Variants in ZFYVE28 observed in about 807,000 individuals in gnomAD.
ZFYVE28 encodes zinc finger FYVE-type containing 28, also known as lateral signaling target protein 2 homolog.
ZFYVE28 carries 40 observed loss-of-function variants against 82.1 expected under a neutral mutation model. The ratio of observed to expected loss-of-function variants is 0.49; its 90% CI spans 0.38 to 0.63. ZFYVE28 has a LOEUF of 0.63. ZFYVE28 is among the 30% of genes least tolerant of loss of function. The pLI is 0.00. For missense variants in ZFYVE28, 1,321 were observed against 1,242.1 expected (o/e 1.06, Z -0.96); for synonymous variants, 612 against 546.1 (o/e 1.12, Z -1.68).
intron 7 of ZFYVE28, among the ~76,000 whole-genome samples, chr4:2,318,342 G>A (rs1274043804): frequency 6.6e-6 from 1 of 152,186 alleles, no homozygotes; most frequent in Non-Finnish European, 1.5e-5. Context: ...CGGATCACCT[G>A]AGGTCAGGAG....
At chr4:2,333,106 C>G (rs911558186) in intron 6 of ZFYVE28, among the ~76,000 whole-genome samples, 1 of 151,972 alleles carries the variant, frequency 6.6e-6, no homozygotes, top group Non-Finnish European at 1.5e-5. Context: ...GCCAGTGCCT[C>G]CAGGAGGGGA....
At chr4:2,353,709 G>A (rs1407339905) in intron 2 of ZFYVE28, among the ~76,000 whole-genome samples, 1 of 152,040 alleles carries the variant, frequency 6.6e-6, no homozygotes, top group African/African-American at 2.4e-5. Flanking sequence ...CCCAGCCTCT[G>A]CTCCCCCAAG....
In ZFYVE28 at chr4:2,271,687, C is replaced by T. The variant is rs1284096748; in HGVS notation, c.2416G>A (p.Gly806Arg). 3 of 1,613,890 alleles carry T rather than the reference C, an allele frequency of 1.9e-6. No homozygotes were observed. The highest frequency in any genetic ancestry group is 1.7e-5 in the Admixed American group (1 of 60,030). Reference protein sequence around the residue: ...SSELAAKTRDGDFEDPPEWVP... With the variant: ...SSELAAKTRDRDFEDPPEWVP... ...GCCTCCCACACACCTTCAAAGTCCC[C>T]ATCGCGGGTCTTGGCTGCCAGTTCA... The change falls in exon 11 of 13, where the codon GGG becomes AGG. Residue 806 changes from glycine to arginine, a missense_variant. By Grantham distance (125) the Gly-to-Arg change is moderately radical. This residue lies in a region of ZFYVE28 where 978 missense variants were observed against 833.7 expected (regional missense o/e 1.17). Coordinates refer to ENST00000290974, the MANE Select transcript of ZFYVE28 (RefSeq NM_020972.3).
chr4:2,270,668 C>A lies in ZFYVE28; in HGVS notation c.*57G>T. ...GCAGTGAGACCTGCCTGCAGCGTGG[C>A]CCCACCTTCCTGGGGGTTCCTGGCC... is the stretch of plus-strand genomic sequence containing the variant. On this transcript the variant is annotated 3_prime_UTR_variant, in exon 13 of 13. Coordinates refer to ENST00000290974, the MANE Select transcript of ZFYVE28 (RefSeq NM_020972.3). 1 of 1,608,008 alleles carries A rather than the reference C, an allele frequency of 6.2e-7. No homozygotes were observed. Among genetic ancestry groups the A allele is most frequent in the Non-Finnish European group, 8.5e-7 (1 of 1,177,384 alleles).
chr4:2,329,244 C>T (rs915635104), intron 6 of ZFYVE28: 85 of 494,154 alleles, frequency 1.7e-4, no homozygotes, highest in Middle Eastern at 5.6e-4. Context: ...GTCTTCCCAT[C>T]CATGAACATG....
intron 1 of ZFYVE28, among the ~76,000 whole-genome samples, chr4:2,369,387 A>G (rs1287830742): frequency 6.6e-6 from 1 of 152,146 alleles, no homozygotes; most frequent in Admixed American, 6.5e-5. Flanking sequence ...AATTTGCCAT[A>G]AAGAGAGGCC....
chr4:2,361,403 C>T (rs1313942914), intron 1 of ZFYVE28, among the ~76,000 whole-genome samples: 1 of 152,176 alleles, frequency 6.6e-6, no homozygotes, highest in Non-Finnish European at 1.5e-5. Context: ...GTTGGAGGCA[C>T]GTGCAGGGAG....
At chr4:2,271,587 G>GCC in intron 11 of ZFYVE28, 88 bp downstream of exon 11, 1 of 1,487,786 alleles carries the variant, frequency 6.7e-7, no homozygotes, top group Non-Finnish European at 9.3e-7. Context: ...GTGGCCTGCA[G>GCC]CCCCTCCCCC....
chr4:2,298,323 T>C (rs1302609013), intron 8 of ZFYVE28, among the ~76,000 whole-genome samples: 1 of 152,112 alleles, frequency 6.6e-6, no homozygotes, highest in Admixed American at 6.5e-5. Context: ...CATCCTGCCA[T>C]GTAGCTGGGG....
At chr4:2,403,269 G>A (rs1306751067) in intron 1 of ZFYVE28, among the ~76,000 whole-genome samples, 14 of 152,242 alleles carry the variant, frequency 9.2e-5, no homozygotes, top group Admixed American at 6.5e-4. Flanking sequence ...GGTCTGCAGA[G>A]GGATCTGAGA....
intron 12 of ZFYVE28, 97 bp from the exon 13 acceptor site, chr4:2,270,953 G>T (rs568872055): frequency 1.3e-6 from 2 of 1,509,058 alleles, no homozygotes; most frequent in Non-Finnish European, 1.8e-6. Context: ...AGCTCAGGCC[G>T]CATTGGTGGG....
intron 1 of ZFYVE28, among the ~76,000 whole-genome samples, chr4:2,388,800 G>A (rs1729534900): frequency 1.3e-5 from 2 of 152,166 alleles, no homozygotes; most frequent in Non-Finnish European, 2.9e-5. Flanking sequence ...GGATGGGAGG[G>A]ACCAGACCAC....
intron 1 of ZFYVE28, among the ~76,000 whole-genome samples, chr4:2,378,239 G>A (rs1324081760): frequency 1.3e-5 from 2 of 152,230 alleles, no homozygotes; most frequent in Non-Finnish European, 2.9e-5. Flanking sequence ...TGCCGGGGAG[G>A]CTGAGGCGTA....
chr4:2,303,833 G>A (rs1360449501), intron 8 of ZFYVE28, among the ~76,000 whole-genome samples: 1 of 152,244 alleles, frequency 6.6e-6, no homozygotes, highest in Non-Finnish European at 1.5e-5. Context: ...CCCGGTGTGA[G>A]CCAGGCAGCC....
chr4:2,280,740 C>A (rs1711848485), intron 8 of ZFYVE28, among the ~76,000 whole-genome samples: 1 of 152,200 alleles, frequency 6.6e-6, no homozygotes, highest in Non-Finnish European at 1.5e-5. Flanking sequence ...CAGCAGATGG[C>A]ACCCTCGGGC....
chr4:2,299,288 C>A (rs1025725022), intron 8 of ZFYVE28, among the ~76,000 whole-genome samples: 13 of 152,054 alleles, frequency 8.5e-5, no homozygotes, highest in Non-Finnish European at 1.5e-4. Flanking sequence ...TCAGGAACAG[C>A]GAAGGGTACT....
intron 1 of ZFYVE28, among the ~76,000 whole-genome samples, chr4:2,404,056 C>T (rs1294782547): frequency 1.3e-5 from 2 of 151,550 alleles, no homozygotes; most frequent in Non-Finnish European, 1.5e-5. Context: ...CATGGTGGCT[C>T]ACACCTGTAA....
Position 2,305,065 on chromosome 4 carries a change from C to T in ZFYVE28, c.1275G>A (p.Trp425Ter), listed in dbSNP as rs749731502. 6.2e-7 allele frequency: 1 copy of T among 1,610,990 alleles called. No homozygotes were observed. Among genetic ancestry groups the T allele is most frequent in the Non-Finnish European group, 8.5e-7 (1 of 1,178,762 alleles). The change falls in exon 8 of 13, where the codon TGG (tryptophan) becomes TGA (stop). Residue 425 changes from tryptophan to a stop codon, truncating the protein, a stop_gained. Coordinates refer to ENST00000290974, the MANE Select transcript of ZFYVE28 (RefSeq NM_020972.3). LOFTEE classifies it high-confidence loss of function. ...GGGGGTCGGCCCAGGTACTGCCTGC[C>T]CACCCAAATGGGCCAGCTGGGGACT... ...RPESPAGPFG[W>*]AGSTWADPQE...
chr4:2,369,843 T>TTTTATTTTATTTA, intron 1 of ZFYVE28, among the ~76,000 whole-genome samples: 1 of 33,904 alleles, frequency 2.9e-5, no homozygotes, highest in African/African-American at 8.2e-5. Context: ...ATTTTTTTTT[T>TTTTATTTTATTTA]TCTTTTCTTT....
Sources: allele counts gnomAD v4.1 joint callset (sites outside exome capture counted in the v4.1 genomes callset), GRCh38; gene constraint gnomAD v4.1.1; regional missense constraint gnomAD v4.1.1; transcripts MANE v1.5; gene names NCBI Gene and HGNC (gene_info 2026-07-23, HGNC 2026-07-21).